The following VPS8 variants were observed in gnomAD, a reference collection of about 807,000 sequenced individuals.
The protein encoded by VPS8 is vacuolar protein sorting-associated protein 8 homolog.
VPS8 carries 129 observed loss-of-function variants against 216.4 expected under a neutral mutation model. The ratio of observed to expected loss-of-function variants is 0.60; its 90% CI spans 0.52 to 0.69. The LOEUF (loss-of-function observed/expected upper bound fraction) is 0.69. Among genes scored for constraint, VPS8 ranks in the 30% least tolerant of loss-of-function variants. The pLI is 0.00. For synonymous variants in VPS8, 571 were observed against 565.4 expected, an observed-to-expected ratio of 1.01 and a Z score of -0.14; for missense variants, 1,531 against 1,683.5, an observed-to-expected ratio of 0.91 and a Z score of 1.59.
In VPS8 at chr3:184,971,680, T is replaced by A; in HGVS notation, c.3348T>A (p.Val1116=). 1 of 1,613,440 alleles carries A rather than the reference T, an allele frequency of 6.2e-7. No individual in the cohort carries two copies. The highest frequency in any genetic ancestry group is 8.5e-7 in the Non-Finnish European group (1 of 1,179,584). The change falls in exon 40 of 48, where the codon GTT becomes GTA. Residue 1116 remains valine, a synonymous_variant. Transcript: ENST00000625842. ...NTKEDPSLKD[V]EDTMVETIAL... ...AAGAGGATCCCTCATTGAAGGATGT[T>A]GAAGATACTATGGTGGAGACCATTG...
chr3:184,843,313 T>C, intron 8 of VPS8, 68 bp downstream of exon 8: 1 of 1,190,190 alleles, frequency 8.4e-7, no homozygotes, highest in Non-Finnish European at 1.1e-6. Flanking sequence ...AAGAGAATGC[T>C]ACCAATTATA....
chr3:184,924,210 C>T (rs1739151914), intron 29 of VPS8, among the ~76,000 whole-genome samples: 1 of 152,222 alleles, frequency 6.6e-6, no homozygotes, highest in African/African-American at 2.4e-5. Context: ...TAGCTGACTT[C>T]TCTGGGCTAC....
chr3:184,851,894 TG>T (rs1230598055), intron 10 of VPS8, among the ~76,000 whole-genome samples: 2 of 152,226 alleles, frequency 1.3e-5, no homozygotes, highest in Non-Finnish European at 2.9e-5. Context: ...ACCTTAGGAC[TG>T]TCTGTCATTG....
chr3:184,865,492 C>T (rs1727164965), intron 16 of VPS8, among the ~76,000 whole-genome samples: 1 of 152,138 alleles, frequency 6.6e-6, no homozygotes, highest in Admixed American at 6.5e-5. Context: ...ACTTAAAGAG[C>T]TGCTCAACAT....
intron 22 of VPS8, among the ~76,000 whole-genome samples, chr3:184,890,452 T>C (rs1303441746): frequency 2.0e-5 from 3 of 152,082 alleles, no homozygotes; most frequent in Non-Finnish European, 4.4e-5. Context: ...TTTTCACATA[T>C]TATATTGTTT....
chr3:184,977,748 C>G (rs1373708115), intron 40 of VPS8, among the ~76,000 whole-genome samples: 2 of 97,520 alleles, frequency 2.1e-5, no homozygotes, highest in Non-Finnish European at 4.2e-5. Context: ...TTTTTTTTGT[C>G]AACTTTTTCA....
chr3:184,986,728 T>C (rs1334806240), intron 42 of VPS8, among the ~76,000 whole-genome samples: 1 of 152,208 alleles, frequency 6.6e-6, no homozygotes, highest in East Asian at 1.9e-4. Flanking sequence ...AAGCCTCAGT[T>C]ACACAACCAG....
At chr3:184,882,821 GTA>G (rs977894983) in intron 21 of VPS8, among the ~76,000 whole-genome samples, 11 of 152,158 alleles carry the variant, frequency 7.2e-5, no homozygotes, top group African/African-American at 2.6e-4. Flanking sequence ...TGCACTTCAT[GTA>G]AATTGTCAAA....
chr3:185,048,363 G>C (rs1262129527), intron 46 of VPS8, 116 bp from the exon 47 acceptor site: 4 of 1,000,076 alleles, frequency 4.0e-6, no homozygotes, highest in Non-Finnish European at 6.1e-6. Flanking sequence ...TGGTAGCATG[G>C]ATTGTTTTCA....
intron 25 of VPS8, among the ~76,000 whole-genome samples, chr3:184,908,015 C>A (rs1439007631): frequency 6.6e-6 from 1 of 152,186 alleles, no homozygotes; most frequent in Non-Finnish European, 1.5e-5. Context: ...CCGCAGATCT[C>A]CCGTTCTCCA....
chr3:184,882,762 C>T (rs1730497532), intron 21 of VPS8, among the ~76,000 whole-genome samples: 1 of 152,090 alleles, frequency 6.6e-6, no homozygotes, highest in Admixed American at 6.5e-5. Flanking sequence ...TTCAAATGAG[C>T]TGTTTCATGT....
intron 21 of VPS8, among the ~76,000 whole-genome samples, chr3:184,871,308 G>A (rs116536190): frequency 0.038 from 5,505 of 143,998 alleles, 121 homozygotes; most frequent in Non-Finnish European, 0.054. Flanking sequence ...CAATGTAGAC[G>A]TGTATGTATT....
At chr3:184,854,680 C>T (rs2108679538) in intron 13 of VPS8, among the ~76,000 whole-genome samples, 1 of 152,300 alleles carries the variant, frequency 6.6e-6, no homozygotes, top group East Asian at 1.9e-4. Flanking sequence ...CAGGCTTATA[C>T]TCACTGCCTG....
At chr3:184,957,290 G>A in intron 36 of VPS8, 84 bp from the exon 37 acceptor site, 8 of 1,369,466 alleles carry the variant, frequency 5.8e-6, no homozygotes, top group South Asian at 4.3e-5. Context: ...TTAATGTAAT[G>A]TGCTTTTTAC....
chr3:184,913,702 T>C, intron 26 of VPS8, 141 bp downstream of exon 26: 1 of 642,912 alleles, frequency 1.6e-6, no homozygotes, highest in East Asian at 3.3e-5. Flanking sequence ...TTCTCAACCA[T>C]GGATAATTTT....
At chr3:184,922,939 G>A (rs968412801) in intron 29 of VPS8, among the ~76,000 whole-genome samples, 8 of 151,588 alleles carry the variant, frequency 5.3e-5, no homozygotes, top group Non-Finnish European at 1.5e-5. Flanking sequence ...GAGTTGATGA[G>A]GGAATTCTCA....
rs545429221 is a variant in VPS8 at position 185,051,940 on chromosome 3, C to T, written c.4202C>T (p.Ser1401Leu). 73 of 1,613,598 alleles carry T rather than the reference C, an allele frequency of 4.5e-5. No homozygotes were observed. In the Middle Eastern group the frequency reaches 8.3e-4, roughly 18 times the overall value. The change falls in exon 48 of 48, where the codon TCG becomes TTG. Residue 1401 changes from serine (S) to leucine (L), a missense_variant. Ser to Leu is a moderately radical substitution (Grantham distance 145). Transcript: ENST00000625842. ...GAGAGCTATAGGCCATTCAGTGGCT[C>T]GCAGAGTGCTCCTGCTTTCAACAGC... ...SSESYRPFSGSQSAPAFNSIF... is the reference protein window; with the variant it reads ...SSESYRPFSGLQSAPAFNSIF...
intron 21 of VPS8, among the ~76,000 whole-genome samples, chr3:184,882,112 T>C (rs1039770695): frequency 1.3e-5 from 2 of 152,032 alleles, no homozygotes; most frequent in African/African-American, 4.8e-5. Context: ...CAGCATTGTA[T>C]TGAAGAGAGG....
intron 22 of VPS8, 51 bp from the exon 23 acceptor site, chr3:184,894,652 T>G: frequency 7.3e-7 from 1 of 1,374,020 alleles, no homozygotes; most frequent in Non-Finnish European, 1.0e-6. Flanking sequence ...CTAAATTTAA[T>G]GGATATTTGG....
Sources: allele counts gnomAD v4.1 joint callset (sites outside exome capture counted in the v4.1 genomes callset), GRCh38; gene constraint gnomAD v4.1.1; transcripts MANE v1.5; gene names NCBI Gene and HGNC (gene_info 2026-07-23, HGNC 2026-07-21).